SPOCK3: variants seen among roughly 807,000 people sequenced by gnomAD.
SPOCK3 encodes the protein testican-3.
Under a neutral mutation model 56.6 loss-of-function variants are expected in SPOCK3, and 30 were observed. The ratio of observed to expected loss-of-function variants is 0.53; its 90% CI spans 0.40 to 0.72. The LOEUF (loss-of-function observed/expected upper bound fraction) is 0.72. SPOCK3 is among the 30% of genes least tolerant of loss of function. The pLI is 0.00. For missense variants in SPOCK3, 527 were observed against 530.0 expected (o/e 0.99, Z 0.06); for synonymous variants, 196 against 183.3 (o/e 1.07, Z -0.56).
At chr4:167,118,477 C>T (rs749671863) in intron 2 of SPOCK3, among the ~76,000 whole-genome samples, 4 of 152,076 alleles carry the variant, frequency 2.6e-5, no homozygotes, top group East Asian at 1.9e-4. Context: ...AAGGCAGTGA[C>T]GTTATAGAGT....
chr4:167,030,109 C>CTATCTATT, intron 3 of SPOCK3, among the ~76,000 whole-genome samples: 1 of 151,548 alleles, frequency 6.6e-6, no homozygotes, highest in African/African-American at 2.4e-5. Context: ...ATCTATCTAT[C>CTATCTATT]TATCTATCTA....
intron 3 of SPOCK3, among the ~76,000 whole-genome samples, chr4:167,009,166 A>T (rs1749771695): frequency 6.6e-6 from 1 of 151,660 alleles, no homozygotes; most frequent in Non-Finnish European, 1.5e-5. Context: ...ATTAACAAAC[A>T]TCCAACAACA....
At position 166,851,175 on chromosome 4, in the gene SPOCK3, G is replaced by A. The variant is rs545642440; in HGVS notation, c.589+37955C>T. Among the ~76,000 whole-genome samples the A allele has an allele frequency of 1.6e-4, 25 of 152,332 alleles. No individual in the cohort carries two copies. The East Asian group carries it at 4.8e-3, about 29-fold the overall frequency. ...GTCCCTAACCCCTGACCCCCGAGCA[G>A]CCTAACTGGGAGGCACTCCCTAGCA... On this transcript the variant is annotated intron_variant, in intron 6 of 10. Transcript: ENST00000357545.
At chr4:167,100,768 CATCA>C (rs1759571022) in intron 2 of SPOCK3, among the ~76,000 whole-genome samples, 1 of 151,818 alleles carries the variant, frequency 6.6e-6, no homozygotes, top group African/African-American at 2.4e-5. Context: ...AGCAAAATAC[CATCA>C]ATCAAATCAT....
At chr4:167,063,585 A>C (rs1755814049) in intron 2 of SPOCK3, among the ~76,000 whole-genome samples, 2 of 151,936 alleles carry the variant, frequency 1.3e-5, no homozygotes, top group African/African-American at 4.8e-5. Flanking sequence ...CATGAATATC[A>C]CATAGTGGTG....
intron 2 of SPOCK3, among the ~76,000 whole-genome samples, chr4:167,169,022 A>T (rs1730257686): frequency 6.6e-6 from 1 of 152,178 alleles, no homozygotes; most frequent in Non-Finnish European, 1.5e-5. Flanking sequence ...GAGCCTGCAG[A>T]TGCACAGAGG....
At position 166,842,057 on chromosome 4, in the gene SPOCK3, G is replaced by A. The variant is rs115335701; in HGVS notation, c.589+47073C>T. ...GTTAAGGCTCTTAAGGCGTTGCGTC[G>A]GGAATTGTTCATTCCTCCGGGTGGG... On this transcript the variant is annotated intron_variant, in intron 6 of 10. Coordinates refer to ENST00000357545, the MANE Select transcript of SPOCK3 (RefSeq NM_001040159.2). 2.7e-3 allele frequency among the ~76,000 whole-genome samples: 414 copies of A among 152,200 alleles called. 1 individual carries two copies. Among genetic ancestry groups the A allele is most frequent in the Middle Eastern group, 0.01 (3 of 294 alleles).
In SPOCK3 at chr4:167,109,471, ATATAT is replaced by A. The variant is rs1760688045; in HGVS notation, c.190-46939_190-46935del. On this transcript the variant is annotated intron_variant, in intron 2 of 10. Coordinates refer to ENST00000357545, the MANE Select transcript of SPOCK3 (RefSeq NM_001040159.2). ...ATATTTATATACATATATAGTTATA[ATATAT>A]TTATATAAAATATATTTATATATTT... Among the ~76,000 whole-genome samples, 3 of 103,478 alleles carry A rather than the reference ATATAT, an allele frequency of 2.9e-5. No homozygotes were observed. In the South Asian group the frequency reaches 7.9e-4, roughly 27 times the overall value. 67.9% of individuals were successfully genotyped at this position (103,478 alleles called of 152,430 possible). A position where few individuals can be genotyped will look rare whatever the true frequency, so the allele number is the denominator to read the frequency against.
intron 4 of SPOCK3, among the ~76,000 whole-genome samples, chr4:166,965,085 T>A (rs985408528): frequency 1.3e-5 from 2 of 151,942 alleles, no homozygotes; most frequent in Non-Finnish European, 2.9e-5. Flanking sequence ...CTAATGACTG[T>A]TTATCTGGAA....
chr4:166,879,365 C>CAAAAAT (rs1733455602), intron 6 of SPOCK3, among the ~76,000 whole-genome samples: 1 of 151,718 alleles, frequency 6.6e-6, no homozygotes, highest in East Asian at 1.9e-4. Flanking sequence ...CCTGTCTCTA[C>CAAAAAT]AAAAATAAAA....
At chr4:167,029,897 T>C (rs1443151247) in intron 3 of SPOCK3, among the ~76,000 whole-genome samples, 2 of 152,056 alleles carry the variant, frequency 1.3e-5, no homozygotes, top group African/African-American at 2.4e-5. Flanking sequence ...TAGAATGATG[T>C]TGAGTTAATC....
At chr4:167,016,475 T>G (rs983700565) in intron 3 of SPOCK3, among the ~76,000 whole-genome samples, 1 of 152,066 alleles carries the variant, frequency 6.6e-6, no homozygotes, top group South Asian at 2.1e-4. Context: ...CTTCACTATA[T>G]TGCGTATAAT....
At chr4:167,050,069 G>GA (rs772953853) in intron 3 of SPOCK3, among the ~76,000 whole-genome samples, 30 of 152,242 alleles carry the variant, frequency 2.0e-4, no homozygotes, top group Non-Finnish European at 4.3e-4. Context: ...GACATATAGG[G>GA]AGTGTGTGTT....
At chr4:167,053,549 G>A (rs1369400447) in intron 3 of SPOCK3, among the ~76,000 whole-genome samples, 1 of 151,714 alleles carries the variant, frequency 6.6e-6, no homozygotes, top group African/African-American at 2.4e-5. Context: ...GCCAGGTGTG[G>A]TGGAGGGTAC....
At chr4:166,866,469 G>T (rs1731852394) in intron 6 of SPOCK3, among the ~76,000 whole-genome samples, 1 of 152,086 alleles carries the variant, frequency 6.6e-6, no homozygotes, top group African/African-American at 2.4e-5. Flanking sequence ...CACAGCAAAA[G>T]AAACTATCAT....
intron 4 of SPOCK3, among the ~76,000 whole-genome samples, chr4:166,961,888 T>C (rs981362225): frequency 6.6e-6 from 1 of 152,090 alleles, no homozygotes; most frequent in Admixed American, 6.6e-5. Context: ...TGAGAGTCAT[T>C]ATCATTCCTA....
chr4:167,154,050 A>G (rs1764617715), intron 2 of SPOCK3, among the ~76,000 whole-genome samples: 1 of 152,174 alleles, frequency 6.6e-6, no homozygotes, highest in Non-Finnish European at 1.5e-5. Flanking sequence ...TACAATATTT[A>G]TCACATATTT....
intron 2 of SPOCK3, among the ~76,000 whole-genome samples, chr4:167,082,276 G>C (rs1454275447): frequency 6.6e-6 from 1 of 152,064 alleles, no homozygotes; most frequent in Non-Finnish European, 1.5e-5. Flanking sequence ...TGGTTGGATA[G>C]AAAAAGTGTG....
chr4:166,815,606 C>T (rs1744301074), intron 6 of SPOCK3, among the ~76,000 whole-genome samples: 1 of 151,878 alleles, frequency 6.6e-6, no homozygotes, highest in Non-Finnish European at 1.5e-5. Flanking sequence ...TAGCAAGACT[C>T]TCTCTCTACC....
Sources: allele counts gnomAD v4.1 joint callset (sites outside exome capture counted in the v4.1 genomes callset), GRCh38; gene constraint gnomAD v4.1.1; transcripts MANE v1.5; gene names NCBI Gene and HGNC (gene_info 2026-07-23, HGNC 2026-07-21).